BRD4: variants seen among roughly 807,000 people sequenced by gnomAD.
The protein encoded by BRD4 is bromodomain containing 4, also known as bromodomain-containing protein 4.
Under a neutral mutation model 142.1 loss-of-function variants are expected in BRD4, and 16 were observed. The ratio of observed to expected loss-of-function variants is 0.11; its 90% CI spans 0.08 to 0.17. The LOEUF is 0.17. BRD4 is among the 10% of genes least tolerant of loss of function. The probability of loss-of-function intolerance (pLI) is 1.00; values close to 1 mark genes in which losing one functional copy is unlikely to be tolerated. For missense variants in BRD4, 1,424 were observed against 1,810.9 expected (o/e 0.79, Z 3.88); for synonymous variants, 833 against 707.5 (o/e 1.18, Z -2.82).
intron 1 of BRD4, among the ~76,000 whole-genome samples, chr19:15,323,099 T>C (rs1275080959): frequency 7.2e-6 from 1 of 139,826 alleles, no homozygotes; most frequent in South Asian, 2.3e-4. Context: ...TCCAATTAAT[T>C]GGGAGGCTGA....
intron 1 of BRD4, among the ~76,000 whole-genome samples, chr19:15,301,280 G>A (rs1470614232): frequency 1.3e-5 from 2 of 152,194 alleles, no homozygotes; most frequent in Non-Finnish European, 2.9e-5. Flanking sequence ...CGTTGCTGAG[G>A]AGCCGGACAC....
chr19:15,243,567 A>T, intron 13 of BRD4, 80 bp from the exon 14 acceptor site: 1 of 1,445,602 alleles, frequency 6.9e-7, no homozygotes, highest in Non-Finnish European at 9.1e-7. Flanking sequence ...TCCTGACCTC[A>T]TCTGGACTCC....
chr19:15,325,562 T>C (rs2048099900), intron 1 of BRD4, among the ~76,000 whole-genome samples: 2 of 152,146 alleles, frequency 1.3e-5, no homozygotes, highest in African/African-American at 4.8e-5. Flanking sequence ...TCATCATTTG[T>C]GGGGGAAAAA....
At chr19:15,240,373 G>A (rs990944764) in intron 14 of BRD4, among the ~76,000 whole-genome samples, 3 of 152,196 alleles carry the variant, frequency 2.0e-5, no homozygotes, top group African/African-American at 7.2e-5. Flanking sequence ...CACAGATCCT[G>A]ACACATGTGG....
chr19:15,242,286 C>G (rs750994280), intron 14 of BRD4, among the ~76,000 whole-genome samples: 3 of 152,198 alleles, frequency 2.0e-5, no homozygotes, highest in African/African-American at 4.8e-5. Flanking sequence ...ACCAGAACAT[C>G]CCCTGCCGGA....
At chr19:15,261,445 G>A (rs550532101) in intron 7 of BRD4, among the ~76,000 whole-genome samples, 1 of 151,774 alleles carries the variant, frequency 6.6e-6, no homozygotes, top group Non-Finnish European at 1.5e-5. Flanking sequence ...TCGTGCCACT[G>A]CACTCCAGCC....
chr19:15,289,812 C>T (rs1456666158), intron 1 of BRD4, among the ~76,000 whole-genome samples: 1 of 152,176 alleles, frequency 6.6e-6, no homozygotes, highest in Non-Finnish European at 1.5e-5. Context: ...TGGAGCCCCC[C>T]AGCCTCTGGG....
At chr19:15,281,531 A>G (rs2047704261) in intron 1 of BRD4, among the ~76,000 whole-genome samples, 2 of 152,240 alleles carry the variant, frequency 1.3e-5, no homozygotes, top group South Asian at 4.1e-4. Context: ...AAAATGCTGC[A>G]GCATCTTTTC....
At chr19:15,283,220 A>G (rs567869725) in intron 1 of BRD4, among the ~76,000 whole-genome samples, 10 of 152,284 alleles carry the variant, frequency 6.6e-5, no homozygotes, top group Admixed American at 5.2e-4. Context: ...GAGGAAGTTC[A>G]CTTCTTAGAG....
chr19:15,261,894 A>G (rs1200357928), intron 7 of BRD4, among the ~76,000 whole-genome samples: 1 of 151,654 alleles, frequency 6.6e-6, no homozygotes, highest in Non-Finnish European at 1.5e-5. Context: ...GTTTCCAAAA[A>G]TAAATAAATA....
At chr19:15,279,951 G>A (rs111599664) in intron 1 of BRD4, among the ~76,000 whole-genome samples, 1 of 152,168 alleles carries the variant, frequency 6.6e-6, no homozygotes, top group Admixed American at 6.5e-5. Context: ...AGAAGCAGTC[G>A]CCAAGACGAT....
At chr19:15,328,244 C>T (rs1016764357) in intron 1 of BRD4, among the ~76,000 whole-genome samples, 2 of 151,962 alleles carry the variant, frequency 1.3e-5, no homozygotes, top group African/African-American at 2.4e-5. Context: ...ATCATGCACA[C>T]ATAAAATCAA....
intron 1 of BRD4, among the ~76,000 whole-genome samples, chr19:15,312,103 T>C (rs1016547295): frequency 4.6e-5 from 7 of 152,230 alleles, no homozygotes; most frequent in African/African-American, 1.7e-4. Flanking sequence ...TCAGCCGACA[T>C]TCCTCAATAC....
chr19:15,262,769 A>G (rs1480886217), intron 7 of BRD4, among the ~76,000 whole-genome samples: 12 of 152,130 alleles, frequency 7.9e-5, no homozygotes, highest in African/African-American at 2.9e-4. Context: ...TGATAGTACT[A>G]AATATTGACT....
intron 1 of BRD4, among the ~76,000 whole-genome samples, chr19:15,327,924 G>GGA (rs1555748801): frequency 3.2e-5 from 4 of 123,768 alleles, no homozygotes; most frequent in African/African-American, 1.2e-4. Context: ...CTTTTGGGGG[G>GGA]GGGGGGTGGA....
chr19:15,297,436 T>C (rs1045776803), intron 1 of BRD4, among the ~76,000 whole-genome samples: 3 of 152,198 alleles, frequency 2.0e-5, no homozygotes, highest in Non-Finnish European at 2.9e-5. Flanking sequence ...ACTGAGCCAC[T>C]GCCACCGAAC....
chr19:15,326,852 T>C (rs1002942054), intron 1 of BRD4, among the ~76,000 whole-genome samples: 9 of 152,170 alleles, frequency 5.9e-5, no homozygotes, highest in African/African-American at 1.7e-4. Context: ...CGTGGTTTAA[T>C]TGAGGTTGGT....
At chr19:15,253,842 C>T in intron 11 of BRD4, 1 of 1,417,042 alleles carries the variant, frequency 7.1e-7, no homozygotes, top group South Asian at 1.3e-5. Flanking sequence ...CCACAGTCCT[C>T]ATGGCCCAGC....
intron 4 of BRD4, 77 bp downstream of exon 4, chr19:15,267,339 C>T: frequency 1.3e-6 from 2 of 1,559,234 alleles, no homozygotes; most frequent in Non-Finnish European, 1.7e-6. Context: ...TCCTGCCACT[C>T]CCAGCCCCCC....
Sources: gnomAD v4.1 joint callset for allele counts (sites outside exome capture counted in the v4.1 genomes callset) on GRCh38, gnomAD v4.1.1 for gene constraint, MANE v1.5 for transcripts, NCBI Gene and HGNC (gene_info 2026-07-23, HGNC 2026-07-21) for gene names.